PTPN13: variants seen among roughly 807,000 people sequenced by gnomAD.
PTPN13 encodes protein tyrosine phosphatase non-receptor type 13.
Under a neutral mutation model 284.0 loss-of-function variants are expected in PTPN13, and 191 were observed. The ratio of observed to expected loss-of-function variants is 0.67; its 90% CI spans 0.60 to 0.76. PTPN13 has a LOEUF of 0.76. PTPN13 is among the 30% of genes least tolerant of loss of function. The pLI is 0.00. For synonymous variants in PTPN13, 986 were observed against 1,022.3 expected (o/e 0.96, Z 0.68); for missense variants, 2,797 against 2,939.9 (o/e 0.95, Z 1.12).
At chr4:86,633,915 C>A (rs766666146) in intron 1 of PTPN13, among the ~76,000 whole-genome samples, 3 of 152,052 alleles carry the variant, frequency 2.0e-5, no homozygotes, top group African/African-American at 7.2e-5. Flanking sequence ...TAAGTAAAAA[C>A]GCTTTTGGCT....
At chr4:86,808,536 A>C (rs1229933373) in intron 45 of PTPN13, among the ~76,000 whole-genome samples, 1 of 152,232 alleles carries the variant, frequency 6.6e-6, no homozygotes, top group Non-Finnish European at 1.5e-5. Context: ...TATCTTAAGG[A>C]AACAGTGATT....
intron 35 of PTPN13, among the ~76,000 whole-genome samples, chr4:86,777,055 T>C (rs970606089): frequency 6.6e-6 from 1 of 152,184 alleles, no homozygotes; most frequent in African/African-American, 2.4e-5. Context: ...TAAAACATGC[T>C]AATAGCAACT....
chr4:86,701,682 T>C lies in PTPN13; in HGVS notation c.1076T>C (p.Met359Thr). Residue 359 changes from methionine to threonine, a missense_variant, in exon 7 of 48, where the codon ATG (methionine) becomes ACG (threonine). By Grantham distance (81) the Met-to-Thr change is moderately conservative. Transcript: ENST00000411767. ...IALDIFGPQK[M>T]DPIYHTRELP... ...TTGGATATCTTTGGCCCTCAGAAAA[T>C]GGATCCAATATATCACACTCGAGAA... 1.2e-6 allele frequency: 2 copies of C among 1,613,822 alleles called. No individual in the cohort carries two copies. Among genetic ancestry groups the C allele is most frequent in the Non-Finnish European group, 1.7e-6 (2 of 1,179,818 alleles).
intron 3 of PTPN13, among the ~76,000 whole-genome samples, chr4:86,682,745 C>G (rs1199285895): frequency 6.6e-6 from 1 of 152,164 alleles, no homozygotes; most frequent in Non-Finnish European, 1.5e-5. Context: ...TATCAGTGAT[C>G]TTTATCCCTG....
At chr4:86,785,409 C>T (rs374492619) in intron 39 of PTPN13, 41 bp downstream of exon 39, 1 of 1,491,556 alleles carries the variant, frequency 6.7e-7, no homozygotes, top group Non-Finnish European at 9.0e-7. Context: ...CTATGGAGTA[C>T]AAAAACGTCT....
At chr4:86,679,520 T>A (rs1728653433) in intron 3 of PTPN13, among the ~76,000 whole-genome samples, 1 of 152,186 alleles carries the variant, frequency 6.6e-6, no homozygotes, top group Non-Finnish European at 1.5e-5. Context: ...ACCCTGGAGG[T>A]GTGACGCAGC....
intron 2 of PTPN13, among the ~76,000 whole-genome samples, chr4:86,655,423 T>G (rs1371184583): frequency 6.6e-6 from 1 of 152,188 alleles, no homozygotes; most frequent in Non-Finnish European, 1.5e-5. Flanking sequence ...AGGAGCTCTT[T>G]TAGGGCAGGC....
intron 7 of PTPN13, among the ~76,000 whole-genome samples, chr4:86,713,366 A>G (rs1429689464): frequency 1.3e-5 from 2 of 152,180 alleles, no homozygotes; most frequent in Non-Finnish European, 2.9e-5. Context: ...AAGTAAAAAT[A>G]TAACTTGCAT....
intron 1 of PTPN13, among the ~76,000 whole-genome samples, chr4:86,622,722 T>C (rs1243007361): frequency 1.3e-5 from 2 of 152,168 alleles, no homozygotes; most frequent in Admixed American, 1.3e-4. Flanking sequence ...CATCTCTCTG[T>C]CCTTGGATGT....
chr4:86,717,125 A>G lies in PTPN13; in HGVS notation c.1385+8A>G, dbSNP rs1190477738. ...CCAGTCACAGAGACCGAGGTATGTC[A>G]TGAAAAAGTAGTGATGATACATTTC... is the stretch of plus-strand genomic sequence containing the variant. On this transcript the variant is annotated splice_region_variant and intron_variant, in intron 9 of 47. Transcript: ENST00000411767. 13 of 1,580,186 alleles carry G rather than the reference A, an allele frequency of 8.2e-6. No homozygotes were observed. Among genetic ancestry groups the G allele is most frequent in the Non-Finnish European group, 1.0e-5 (12 of 1,152,102 alleles).
intron 12 of PTPN13, among the ~76,000 whole-genome samples, chr4:86,733,942 T>C (rs1311099099): frequency 6.6e-6 from 1 of 152,232 alleles, no homozygotes; most frequent in Non-Finnish European, 1.5e-5. Context: ...CATTATGTCA[T>C]TTGATCCTTA....
Position 86,769,943 on chromosome 4 carries a change from T to A in PTPN13, c.4664T>A (p.Leu1555Ter). The change falls in exon 29 of 48, where the codon TTG (leucine) becomes TAG (stop). Residue 1555 changes from leucine (L) to a stop codon, truncating the protein, a stop_gained. Transcript: ENST00000411767. LOFTEE classifies it high-confidence loss of function. ...SGKIDVGDVI[L>*]KVNGASLKGL... is the part of the protein sequence containing the mutation. ...AAAATTGATGTAGGAGATGTTATCT[T>A]GAAAGTGAATGGAGCCTCTTTGAAA... 1 of 1,613,968 alleles carries A rather than the reference T, an allele frequency of 6.2e-7. No individual in the cohort carries two copies. Among genetic ancestry groups the A allele is most frequent in the Non-Finnish European group, 8.5e-7 (1 of 1,179,874 alleles).
intron 9 of PTPN13, among the ~76,000 whole-genome samples, chr4:86,718,454 A>ATTTTTTTTTTTTTTTTTTTTT (rs1309592486): frequency 1.5e-5 from 2 of 136,060 alleles, no homozygotes; most frequent in African/African-American, 2.6e-5. Context: ...TTAATGGTCC[A>ATTTTTTTTTTTTTTTTTTTTT]CTTTTTTTTT....
At chr4:86,784,208 T>C (rs1393378527) in intron 37 of PTPN13, among the ~76,000 whole-genome samples, 1 of 152,142 alleles carries the variant, frequency 6.6e-6, no homozygotes, top group African/African-American at 2.4e-5. Flanking sequence ...TAGCAAGGAC[T>C]GTGAAAATTC....
At position 86,647,864 on chromosome 4, in the gene PTPN13, C is replaced by T. The variant is rs144961737; in HGVS notation, c.115+12493C>T. On this transcript the variant is annotated intron_variant, in intron 2 of 47. Coordinates refer to ENST00000411767, the MANE Select transcript of PTPN13 (RefSeq NM_080683.3). ...AAGAGAGTAGTCAGAAGAAACCAAC[C>T]CTGCCAGCACCTTGATTTTGCACTT... is the stretch of plus-strand genomic sequence containing the variant. Among the ~76,000 whole-genome samples the T allele has an allele frequency of 6.0e-3, 916 of 152,002 alleles. 6 individuals are homozygous for T. The highest frequency in any genetic ancestry group is 0.021 in the African/African-American group (879 of 41,468).
chr4:86,703,693 C>T lies in PTPN13; in HGVS notation c.1195+1892C>T, dbSNP rs545134348. Among the ~76,000 whole-genome samples the T allele has an allele frequency of 1.8e-4, 28 of 151,948 alleles. No individual in the cohort carries two copies. The Middle Eastern group carries it at 0.01, about 55-fold the overall frequency. ...ACCAGTCTGGGCAATATAGCAAGAC[C>T]TCATATCTACAAAAAAAATTTTTTA... On this transcript the variant is annotated intron_variant, in intron 7 of 47. Transcript: ENST00000411767.
intron 35 of PTPN13, among the ~76,000 whole-genome samples, chr4:86,776,814 A>C (rs192264870): frequency 1.3e-5 from 2 of 152,278 alleles, no homozygotes; most frequent in South Asian, 4.1e-4. Flanking sequence ...AATGAAACAC[A>C]GGATGATTGT....
At position 86,788,160 on chromosome 4, in the gene PTPN13, C is replaced by T. The variant is rs12502333; in HGVS notation, c.6345+2224C>T. On this transcript the variant is annotated intron_variant, in intron 40 of 47. Transcript: ENST00000411767. ...TTAAAAATTTTATTTGTATCTAATT[C>T]TAGGAACACGTTTAAATCACTATGG... is the stretch of plus-strand genomic sequence containing the variant. Among the ~76,000 whole-genome samples, 1,122 of 152,222 alleles carry T rather than the reference C, an allele frequency of 7.4e-3. 45 individuals are homozygous for T. The highest frequency in any genetic ancestry group is 0.068 in the Admixed American group (1,033 of 15,290).
intron 2 of PTPN13, among the ~76,000 whole-genome samples, chr4:86,642,207 A>G (rs1453704239): frequency 6.6e-6 from 1 of 152,030 alleles, no homozygotes; most frequent in African/African-American, 2.4e-5. Context: ...TCTCTAGTAT[A>G]GCTTTCCTCC....
Sources: gnomAD v4.1 joint callset for allele counts (sites outside exome capture counted in the v4.1 genomes callset) on GRCh38, gnomAD v4.1.1 for gene constraint, MANE v1.5 for transcripts, NCBI Gene and HGNC (gene_info 2026-07-23, HGNC 2026-07-21) for gene names.